Variants in SCYL3 observed in about 807,000 individuals in gnomAD.
SCYL3 encodes the protein SCY1 like pseudokinase 3, also known as protein-associating with the carboxyl-terminal domain of ezrin.
In SCYL3, 35 loss-of-function variants were observed where a neutral mutation model predicts 73.8. That is an observed-to-expected ratio of 0.47 (90% CI 0.36 to 0.63). SCYL3 has a LOEUF of 0.63. SCYL3 is among the 20% of genes least tolerant of loss of function. The pLI is 0.00. For missense variants in SCYL3, 712 were observed against 798.9 expected, an observed-to-expected ratio of 0.89 and a Z score of 1.31; for synonymous variants, 277 against 295.2, an observed-to-expected ratio of 0.94 and a Z score of 0.63.
intron 2 of SCYL3, among the ~76,000 whole-genome samples, chr1:169,883,214 A>G (rs1387313267): frequency 6.6e-6 from 1 of 152,182 alleles, no homozygotes; most frequent in East Asian, 1.9e-4. Context: ...TCTTGAAGTC[A>G]GTGAGACCAA....
rs1657903546 is a variant in SCYL3, at chr1:169,849,997, T to C, written c.*3716A>G. ...GCTCCTTTACTCTTACTGCATTTGCTGTATAGTCATGCCTATGATCATAAG... is the reference window on the plus strand; with the variant it reads ...GCTCCTTTACTCTTACTGCATTTGCCGTATAGTCATGCCTATGATCATAAG... On this transcript the variant is annotated 3_prime_UTR_variant, in exon 13 of 13. Transcript: ENST00000367771. 2.0e-6 allele frequency: 1 copy of C among 499,894 alleles called. No homozygotes were observed. Among genetic ancestry groups the C allele is most frequent in the Non-Finnish European group, 3.6e-6 (1 of 279,814 alleles). The allele number at this position is 499,894 out of a possible 1,614,324, so 31.0% of individuals were successfully genotyped here.
chr1:169,873,293 G>A (rs1490871128), intron 5 of SCYL3, among the ~76,000 whole-genome samples: 3 of 152,206 alleles, frequency 2.0e-5, no homozygotes, highest in Non-Finnish European at 4.4e-5. Flanking sequence ...CATGTGAGAA[G>A]TGCCTTTCAC....
At position 169,850,641 on chromosome 1, in the gene SCYL3, C is replaced by G. The variant is rs376537056; in HGVS notation, c.*3072G>C. ...GGAAACCCTGTTTCTACTAAAAATA[C>G]AAAAATTAGCCGGGCATGGTGGTAC... On this transcript the variant is annotated 3_prime_UTR_variant, in exon 13 of 13. Transcript: ENST00000367771. 100 of 222,774 alleles carry G rather than the reference C, an allele frequency of 4.5e-4. No homozygotes were observed. Among genetic ancestry groups the G allele is most frequent in the African/African-American group, 1.9e-3 (82 of 44,112 alleles). The allele number at this position is 222,774 out of a possible 1,614,324, so 13.8% of individuals were successfully genotyped here. A position where few individuals can be genotyped will look rare whatever the true frequency, so the allele number is the denominator to read the frequency against.
At chr1:169,854,126 A>ATGATTGAT (rs370233155) in intron 12 of SCYL3, 144 bp downstream of exon 12, 1 of 652,362 alleles carries the variant, frequency 1.5e-6, no homozygotes, top group East Asian at 2.8e-5. Flanking sequence ...ATAGATACCA[A>ATGATTGAT]TGATAGAAAC....
intron 4 of SCYL3, among the ~76,000 whole-genome samples, chr1:169,875,374 T>G (rs10753798): frequency 0.49 from 74,039 of 151,978 alleles, 18,412 homozygotes; most frequent in Middle Eastern, 0.59. Flanking sequence ...ACAGAAAGGT[T>G]CATCAACCTG....
intron 11 of SCYL3, among the ~76,000 whole-genome samples, chr1:169,855,188 TGTAA>T (rs1659016821): frequency 6.6e-6 from 1 of 152,202 alleles, no homozygotes; most frequent in East Asian, 1.9e-4. Context: ...AGTGGAAGCA[TGTAA>T]GTAATAACTA....
In SCYL3 at chr1:169,854,274, G is replaced by GTAAT. The variant is rs1228874891; in HGVS notation, c.1999_2002dup (p.Thr668AsnfsTer3). The GTAAT allele has an allele frequency of 6.2e-7, 1 of 1,600,380 alleles. No homozygotes were observed. The highest frequency in any genetic ancestry group is 8.5e-7 in the Non-Finnish European group (1 of 1,174,686). On this transcript the variant is annotated frameshift_variant, in exon 12 of 13. Coordinates refer to ENST00000367771, the MANE Select transcript of SCYL3 (RefSeq NM_020423.7). LOFTEE classifies it high-confidence loss of function. The stretch of plus-strand genomic sequence containing the variant: ...TTACTCCATAAAAGTACTCACCTCA[G>GTAAT]TAATTTCTGCTGCAGCAAATTTTGA...
At chr1:169,867,074 A>T in intron 7 of SCYL3, 101 bp from the exon 8 acceptor site, 1 of 656,542 alleles carries the variant, frequency 1.5e-6, no homozygotes, top group Non-Finnish European at 2.6e-6. Context: ...TCAACCAAGA[A>T]ACATTCTCCT....
chr1:169,873,069 G>A (rs1025571777), intron 5 of SCYL3, among the ~76,000 whole-genome samples: 1 of 152,176 alleles, frequency 6.6e-6, no homozygotes, highest in Non-Finnish European at 1.5e-5. Flanking sequence ...GGAGGGGCCA[G>A]GGGAGGAATG....
At chr1:169,882,849 G>A (rs61807835) in intron 2 of SCYL3, among the ~76,000 whole-genome samples, 17,768 of 152,026 alleles carry the variant, frequency 0.12, 1,214 homozygotes, top group Admixed American at 0.19. Context: ...ACAAATCAGC[G>A]CCCTGTCAAA....
chr1:169,850,425 A>T lies in SCYL3; in HGVS notation c.*3288T>A. 2 of 929,534 alleles carry T rather than the reference A, an allele frequency of 2.2e-6. No individual in the cohort carries two copies. Among genetic ancestry groups the T allele is most frequent in the South Asian group, 1.5e-5 (1 of 65,650 alleles). The allele number at this position is 929,534 out of a possible 1,614,324, so 57.6% of individuals were successfully genotyped here. On this transcript the variant is annotated 3_prime_UTR_variant, in exon 13 of 13. Coordinates refer to ENST00000367771, the MANE Select transcript of SCYL3 (RefSeq NM_020423.7). The stretch of plus-strand genomic sequence containing the variant: ...AAATTATGTAACTGTAACCAACCTG[A>T]GTGTCTTCTTAGCTTAAACTTTTCA...
intron 2 of SCYL3, among the ~76,000 whole-genome samples, chr1:169,885,053 A>G (rs1383835420): frequency 6.6e-6 from 1 of 152,238 alleles, no homozygotes; most frequent in Non-Finnish European, 1.5e-5. Context: ...CTCTTGCCCT[A>G]GTAGAGAAAG....
intron 2 of SCYL3, among the ~76,000 whole-genome samples, chr1:169,879,802 A>G (rs1323609944): frequency 1.3e-5 from 2 of 151,994 alleles, no homozygotes; most frequent in African/African-American, 4.8e-5. Flanking sequence ...CCTCCTAGAG[A>G]TAAAGGAAAA....
Position 169,853,620 on chromosome 1 carries a change from T to C in SCYL3, c.*93A>G, listed in dbSNP as rs1658713585. On this transcript the variant is annotated 3_prime_UTR_variant, in exon 13 of 13. Transcript: ENST00000367771. ...CTGGGATGGGAAAAGCAGGCCACTTTGGGGTTTTCTTGTCCCAAAGCCTGC... is the reference window on the plus strand; with the variant it reads ...CTGGGATGGGAAAAGCAGGCCACTTCGGGGTTTTCTTGTCCCAAAGCCTGC... 1 of 1,347,890 alleles carries C rather than the reference T, an allele frequency of 7.4e-7. No homozygotes were observed. Among genetic ancestry groups the C allele is most frequent in the Non-Finnish European group, 1.0e-6 (1 of 957,250 alleles). The allele number at this position is 1,347,890 out of a possible 1,614,324, so 83.5% of individuals were successfully genotyped here. A position where few individuals can be genotyped will look rare whatever the true frequency, so the allele number is the denominator to read the frequency against.
intron 3 of SCYL3, among the ~76,000 whole-genome samples, chr1:169,876,751 C>T (rs186855196): frequency 1.4e-3 from 207 of 151,966 alleles, no homozygotes; most frequent in African/African-American, 4.6e-3. Flanking sequence ...GTCAGGAGAT[C>T]GAGACCATCC....
At chr1:169,878,357 G>C (rs1661000441) in intron 3 of SCYL3, among the ~76,000 whole-genome samples, 1 of 152,158 alleles carries the variant, frequency 6.6e-6, no homozygotes, top group Non-Finnish European at 1.5e-5. Flanking sequence ...TTTAGGCAAA[G>C]AATTATCCAA....
At chr1:169,879,808 G>T (rs1445642192) in intron 2 of SCYL3, among the ~76,000 whole-genome samples, 1 of 151,640 alleles carries the variant, frequency 6.6e-6, no homozygotes, top group Non-Finnish European at 1.5e-5. Context: ...AGAGATAAAG[G>T]AAAAGTTATA....
At position 169,856,326 on chromosome 1, in the gene SCYL3, A is replaced by T. The variant is rs185284574; in HGVS notation, c.1313-1362T>A. 3.2e-3 allele frequency among the ~76,000 whole-genome samples: 491 copies of T among 152,360 alleles called. 5 individuals carry two copies. The highest frequency in any genetic ancestry group is 3.6e-3 in the Non-Finnish European group (248 of 68,036). On this transcript the variant is annotated intron_variant, in intron 11 of 12. Transcript: ENST00000367771. ...AGAATAAAAGTTGAAGAGTATAAGC[A>T]TAAGAATATGAATGTAGTGAATACC...
At chr1:169,879,035 A>C (rs1485416524) in intron 2 of SCYL3, among the ~76,000 whole-genome samples, 1 of 152,220 alleles carries the variant, frequency 6.6e-6, no homozygotes, top group African/African-American at 2.4e-5. Context: ...GCTCTACAGA[A>C]ATTTCCAGTT....
Sources: gnomAD v4.1 joint callset for allele counts (sites outside exome capture counted in the v4.1 genomes callset) on GRCh38, gnomAD v4.1.1 for gene constraint, MANE v1.5 for transcripts, NCBI Gene and HGNC (gene_info 2026-07-23, HGNC 2026-07-21) for gene names.